CADPS2: variants seen among roughly 807,000 people sequenced by gnomAD.
The protein encoded by CADPS2 is calcium-dependent secretion activator 2.
A neutral mutation model predicts 172.5 loss-of-function variants in CADPS2; 93 were observed. The ratio of observed to expected loss-of-function variants is 0.54; its 90% CI spans 0.46 to 0.64. CADPS2 has a LOEUF of 0.64. CADPS2 is among the 30% of genes least tolerant of loss of function. The probability of loss-of-function intolerance (pLI) is 0.00; values close to 1 mark genes in which losing one functional copy is unlikely to be tolerated. For synonymous variants in CADPS2, 546 were observed against 555.2 expected (o/e 0.98, Z 0.23); for missense variants, 1,420 against 1,565.9 (o/e 0.91, Z 1.57).
intron 9 of CADPS2, among the ~76,000 whole-genome samples, chr7:122,505,721 T>C (rs2059561682): frequency 6.6e-6 from 1 of 152,170 alleles, no homozygotes; most frequent in Admixed American, 6.6e-5. Context: ...AATCTGGCGT[T>C]TCGAATACAT....
At chr7:122,790,688 C>T (rs556265474) in intron 1 of CADPS2, among the ~76,000 whole-genome samples, 8 of 152,184 alleles carry the variant, frequency 5.3e-5, no homozygotes, top group Admixed American at 2.0e-4. Flanking sequence ...TACTCATAGC[C>T]TCAGTCATTC....
intron 4 of CADPS2, among the ~76,000 whole-genome samples, chr7:122,627,976 G>T (rs988177074): frequency 6.6e-5 from 10 of 152,004 alleles, no homozygotes; most frequent in African/African-American, 2.4e-4. Context: ...AAACCCAGAG[G>T]ACAAAAATAA....
At chr7:122,694,260 G>T (rs1402137739) in intron 2 of CADPS2, among the ~76,000 whole-genome samples, 1 of 152,168 alleles carries the variant, frequency 6.6e-6, no homozygotes, top group African/African-American at 2.4e-5. Flanking sequence ...GAAACTGCTT[G>T]GAATGAGAAC....
At chr7:122,842,772 A>G (rs1810917072) in intron 1 of CADPS2, among the ~76,000 whole-genome samples, 1 of 152,208 alleles carries the variant, frequency 6.6e-6, no homozygotes, top group Non-Finnish European at 1.5e-5. Flanking sequence ...ATGCCACAAA[A>G]TATAGCTAGA....
At chr7:122,774,369 A>G (rs944175090) in intron 1 of CADPS2, among the ~76,000 whole-genome samples, 3 of 151,958 alleles carry the variant, frequency 2.0e-5, no homozygotes, top group African/African-American at 7.2e-5. Flanking sequence ...TTTCTTTAAA[A>G]TGTAAAGAGC....
At chr7:122,626,295 A>G (rs530797901) in intron 4 of CADPS2, among the ~76,000 whole-genome samples, 3 of 152,316 alleles carry the variant, frequency 2.0e-5, no homozygotes, top group African/African-American at 7.2e-5. Context: ...GGACAGAACA[A>G]TGATCCAGAC....
At chr7:122,626,261 T>A (rs1587939015) in intron 4 of CADPS2, among the ~76,000 whole-genome samples, 1 of 151,916 alleles carries the variant, frequency 6.6e-6, no homozygotes, top group Non-Finnish European at 1.5e-5. Context: ...AGGACAGGGG[T>A]AGAATCCAGG....
At chr7:122,495,522 G>A (rs1438981694) in intron 9 of CADPS2, among the ~76,000 whole-genome samples, 1 of 152,110 alleles carries the variant, frequency 6.6e-6, no homozygotes, top group African/African-American at 2.4e-5. Context: ...TATAAATATT[G>A]TTACTTGAAT....
intron 6 of CADPS2, among the ~76,000 whole-genome samples, chr7:122,605,221 G>T (rs555064071): frequency 6.6e-6 from 1 of 152,056 alleles, no homozygotes. Flanking sequence ...AGTAAGTGGT[G>T]AGTAAATGTG....
At chr7:122,439,190 G>A (rs573602091) in intron 16 of CADPS2, among the ~76,000 whole-genome samples, 1 of 152,230 alleles carries the variant, frequency 6.6e-6, no homozygotes, top group East Asian at 1.9e-4. Flanking sequence ...AGGGGAAAAT[G>A]CAATTACATC....
intron 2 of CADPS2, among the ~76,000 whole-genome samples, chr7:122,679,304 C>T (rs1249106751): frequency 2.2e-5 from 2 of 92,710 alleles, no homozygotes; most frequent in African/African-American, 7.4e-5. Context: ...CTGGGAGTGT[C>T]TGCCTCATGC....
intron 1 of CADPS2, among the ~76,000 whole-genome samples, chr7:122,801,783 T>C (rs1368879307): frequency 6.6e-6 from 1 of 151,944 alleles, no homozygotes; most frequent in Non-Finnish European, 1.5e-5. Flanking sequence ...TATTTATTTT[T>C]TTTTTCTGGA....
At chr7:122,549,841 T>A (rs1022792723) in intron 8 of CADPS2, among the ~76,000 whole-genome samples, 1 of 151,998 alleles carries the variant, frequency 6.6e-6, no homozygotes, top group African/African-American at 2.4e-5. Context: ...TTCTAAAAGG[T>A]ACATTTAAAA....
chr7:122,588,467 T>C (rs183297600), intron 6 of CADPS2, among the ~76,000 whole-genome samples: 2 of 152,146 alleles, frequency 1.3e-5, no homozygotes, highest in Non-Finnish European at 2.9e-5. Context: ...CCTTTCCCCA[T>C]TGCTTGTTGT....
chr7:122,526,972 T>C lies in CADPS2; in HGVS notation c.1476-13657A>G, dbSNP rs567617910. 1.3e-3 allele frequency among the ~76,000 whole-genome samples: 205 copies of C among 152,322 alleles called. 1 individual carries two copies. The highest frequency in any genetic ancestry group is 4.6e-3 in the African/African-American group (193 of 41,588). On this transcript the variant is annotated intron_variant, in intron 8 of 29. Coordinates refer to ENST00000449022, the MANE Select transcript of CADPS2 (RefSeq NM_017954.11). Reference sequence around the variant, plus strand: ...CATTTTTGGAATGACTGAATGGTCTTTTCCTAGTTTGTCATTAGGAACAAT... The same window carrying C: ...CATTTTTGGAATGACTGAATGGTCTCTTCCTAGTTTGTCATTAGGAACAAT...
At chr7:122,441,077 T>C (rs551055884) in intron 16 of CADPS2, among the ~76,000 whole-genome samples, 19 of 152,228 alleles carry the variant, frequency 1.2e-4, no homozygotes, top group South Asian at 4.1e-4. Flanking sequence ...GAGATGAATA[T>C]TGAATGAATG....
At chr7:122,708,326 T>C (rs905795225) in intron 2 of CADPS2, among the ~76,000 whole-genome samples, 1 of 151,366 alleles carries the variant, frequency 6.6e-6, no homozygotes, top group African/African-American at 2.4e-5. Context: ...TTATGCAAAA[T>C]TGTATCTACT....
chr7:122,341,189 C>G (rs2036732480), intron 28 of CADPS2, among the ~76,000 whole-genome samples: 1 of 152,180 alleles, frequency 6.6e-6, no homozygotes, highest in South Asian at 2.1e-4. Flanking sequence ...TACACAATGT[C>G]ATATGGCATA....
chr7:122,329,108 A>G (rs567742762), intron 28 of CADPS2, among the ~76,000 whole-genome samples: 2 of 152,316 alleles, frequency 1.3e-5, no homozygotes, highest in South Asian at 2.1e-4. Flanking sequence ...GCCACTGACT[A>G]TGGAAATTGC....
Sources: gnomAD v4.1 joint callset for allele counts (sites outside exome capture counted in the v4.1 genomes callset) on GRCh38, gnomAD v4.1.1 for gene constraint, MANE v1.5 for transcripts, NCBI Gene and HGNC (gene_info 2026-07-23, HGNC 2026-07-21) for gene names.